Variants in ZMYM4 observed in about 807,000 individuals in gnomAD.
ZMYM4 encodes zinc finger MYM-type containing 4, also known as zinc finger MYM-type protein 4.
A neutral mutation model predicts 183.2 loss-of-function variants in ZMYM4; 31 were observed. The observed-to-expected ratio is 0.17, with a 90% confidence interval of 0.13 to 0.23. The LOEUF (loss-of-function observed/expected upper bound fraction) is 0.23, where lower values mean the gene tolerates loss of function less well. Among genes scored for constraint, ZMYM4 ranks in the 10% least tolerant of loss-of-function variants. ZMYM4 has a pLI of 1.00. For synonymous variants in ZMYM4, 592 were observed against 631.2 expected, an observed-to-expected ratio of 0.94 and a Z score of 0.93; for missense variants, 1,273 against 1,840.3, an observed-to-expected ratio of 0.69 and a Z score of 5.64.
At chr1:35,313,318 A>G (rs569082849) in intron 1 of ZMYM4, among the ~76,000 whole-genome samples, 1 of 151,956 alleles carries the variant, frequency 6.6e-6, no homozygotes, top group Non-Finnish European at 1.5e-5. Flanking sequence ...TACAGGCGTG[A>G]GCCATTGCAC....
chr1:35,271,549 A>G (rs1300693665), intron 1 of ZMYM4, among the ~76,000 whole-genome samples: 1 of 152,036 alleles, frequency 6.6e-6, no homozygotes, highest in Non-Finnish European at 1.5e-5. Flanking sequence ...ATTACAGGCA[A>G]GCACCACCAT....
chr1:35,337,434 A>G (rs1643021417), intron 2 of ZMYM4, among the ~76,000 whole-genome samples: 1 of 152,122 alleles, frequency 6.6e-6, no homozygotes, highest in South Asian at 2.1e-4. Flanking sequence ...TTCTATTGCA[A>G]ATTTATCCTT....
chr1:35,365,429 A>T (rs897999437), intron 5 of ZMYM4, among the ~76,000 whole-genome samples: 1 of 152,100 alleles, frequency 6.6e-6, no homozygotes, highest in East Asian at 1.9e-4. Flanking sequence ...TAAAGTCATG[A>T]TTTCTTTTTC....
intron 2 of ZMYM4, among the ~76,000 whole-genome samples, chr1:35,353,687 C>G (rs1183095209): frequency 6.6e-6 from 1 of 152,144 alleles, no homozygotes; most frequent in East Asian, 1.9e-4. Flanking sequence ...GAAACAGAAA[C>G]TGTTTCTTTT....
chr1:35,374,019 CTTTTTTTTT>C (rs397863926), intron 7 of ZMYM4, among the ~76,000 whole-genome samples: 7 of 52,792 alleles, frequency 1.3e-4, no homozygotes, highest in African/African-American at 3.8e-4. Context: ...TCATGGGATT[CTTTTTTTTT>C]TTTTTTTTTT....
intron 23 of ZMYM4, among the ~76,000 whole-genome samples, chr1:35,404,076 T>A (rs567072954): frequency 6.6e-6 from 1 of 152,284 alleles, no homozygotes; most frequent in South Asian, 2.1e-4. Flanking sequence ...TTTGCTTGTT[T>A]GTTTTTAGAC....
chr1:35,294,044 A>T (rs1011088133), intron 1 of ZMYM4, among the ~76,000 whole-genome samples: 4 of 151,906 alleles, frequency 2.6e-5, no homozygotes, highest in Admixed American at 6.6e-5. Flanking sequence ...CTGAGGCAGG[A>T]GAATCGCTTG....
chr1:35,270,512 A>C (rs1308078866), intron 1 of ZMYM4, among the ~76,000 whole-genome samples: 1 of 152,160 alleles, frequency 6.6e-6, no homozygotes, highest in Non-Finnish European at 1.5e-5. Context: ...TAATCCCAGC[A>C]CTTTGGGAGG....
chr1:35,276,324 T>C (rs1221801446), intron 1 of ZMYM4, among the ~76,000 whole-genome samples: 1 of 149,270 alleles, frequency 6.7e-6, no homozygotes, highest in Non-Finnish European at 1.5e-5. Flanking sequence ...TCCTTCCTTT[T>C]TTTCCATAGT....
chr1:35,329,579 G>A (rs1374071735), intron 2 of ZMYM4, among the ~76,000 whole-genome samples: 1 of 152,144 alleles, frequency 6.6e-6, no homozygotes, highest in East Asian at 1.9e-4. Flanking sequence ...GACAGTTTTA[G>A]GGGAAAAGTA....
intron 21 of ZMYM4, 135 bp from the exon 22 acceptor site, chr1:35,398,729 T>G: frequency 1.1e-6 from 1 of 914,558 alleles, no homozygotes; most frequent in Non-Finnish European, 1.6e-6. Context: ...AGTTACCTCA[T>G]TCTTGAGTGT....
At chr1:35,392,502 T>C (rs573950080) in intron 16 of ZMYM4, 145 bp from the exon 17 acceptor site, 2 of 1,280,166 alleles carry the variant, frequency 1.6e-6, no homozygotes, top group Admixed American at 5.3e-5. Context: ...ATCTCATACT[T>C]TAGAATTGCT....
At chr1:35,304,386 T>C (rs140328879) in intron 1 of ZMYM4, among the ~76,000 whole-genome samples, 29 of 152,310 alleles carry the variant, frequency 1.9e-4, no homozygotes, top group African/African-American at 6.5e-4. Context: ...TCTTGTTTTA[T>C]AGTGATTTCA....
Position 35,377,782 on chromosome 1 carries a change from G to C in ZMYM4, c.1182-3477G>C, listed in dbSNP as rs1021162575. Among the ~76,000 whole-genome samples the C allele has an allele frequency of 2.0e-5, 3 of 152,154 alleles. No individual in the cohort carries two copies. The East Asian group carries it at 5.8e-4, about 29-fold the overall frequency. ...TCAATGTTGATGGCTGCTGATTCAG[G>C]GTGATGGTTGCTGAAGGTTTTGGTG... On this transcript the variant is annotated intron_variant, in intron 7 of 29. Coordinates refer to ENST00000314607, the MANE Select transcript of ZMYM4 (RefSeq NM_005095.3).
At chr1:35,270,210 T>A (rs1272350509) in intron 1 of ZMYM4, among the ~76,000 whole-genome samples, 1 of 152,190 alleles carries the variant, frequency 6.6e-6, no homozygotes, top group African/African-American at 2.4e-5. Flanking sequence ...TTTACTTAGA[T>A]CACACAGCTA....
chr1:35,282,025 G>A (rs1640195487), intron 1 of ZMYM4, among the ~76,000 whole-genome samples: 1 of 152,150 alleles, frequency 6.6e-6, no homozygotes, highest in African/African-American at 2.4e-5. Flanking sequence ...TCCATTGTGT[G>A]CATATACATT....
At chr1:35,333,531 TAC>T in intron 2 of ZMYM4, among the ~76,000 whole-genome samples, 1 of 152,164 alleles carries the variant, frequency 6.6e-6, no homozygotes, top group Non-Finnish European at 1.5e-5. Context: ...GGTCTGGGAT[TAC>T]AAGTGTCAGC....
intron 1 of ZMYM4, among the ~76,000 whole-genome samples, chr1:35,279,245 A>G (rs912169138): frequency 4.6e-5 from 7 of 152,222 alleles, no homozygotes; most frequent in African/African-American, 1.7e-4. Flanking sequence ...GAAGTAAGAC[A>G]CTTTAAAAAA....
chr1:35,312,431 G>T (rs144806931), intron 1 of ZMYM4, among the ~76,000 whole-genome samples: 1 of 151,642 alleles, frequency 6.6e-6, no homozygotes, highest in Non-Finnish European at 1.5e-5. Flanking sequence ...ACCATTTTTA[G>T]GTGTATAATT....
Sources: gnomAD v4.1 joint callset for allele counts (sites outside exome capture counted in the v4.1 genomes callset) on GRCh38, gnomAD v4.1.1 for gene constraint, MANE v1.5 for transcripts, NCBI Gene and HGNC (gene_info 2026-07-23, HGNC 2026-07-21) for gene names.